Variants in WWOX observed in about 807,000 individuals in gnomAD.
The protein encoded by WWOX is WW domain-containing oxidoreductase.
A neutral mutation model predicts 46.2 loss-of-function variants in WWOX; 69 were observed. The observed-to-expected ratio is 1.49, with a 90% CI of 1.23 to 1.82. WWOX has a LOEUF of 1.82. Ranked by LOEUF, WWOX falls within the 40% of genes most tolerant of loss-of-function variation. WWOX has a pLI of 0.00. For synonymous variants in WWOX, 359 were observed against 202.6 expected (o/e 1.77, Z -6.56); for missense variants, 919 against 542.6 (o/e 1.69, Z -6.89).
intron 5 of WWOX, chr16:78,278,581 G>C (rs371535151): frequency 2.5e-6 from 4 of 1,600,710 alleles, no homozygotes; most frequent in African/African-American, 2.7e-5. Flanking sequence ...TTACACAACT[G>C]TCTTTTGTTT....
At chr16:78,380,726 G>A (rs1267936340) in intron 5 of WWOX, among the ~76,000 whole-genome samples, 1 of 152,074 alleles carries the variant, frequency 6.6e-6, no homozygotes, top group East Asian at 1.9e-4. Flanking sequence ...CGATAGGGCA[G>A]GTGCTGTTAT....
At chr16:78,470,211 T>C (rs2084188407) in intron 8 of WWOX, among the ~76,000 whole-genome samples, 1 of 152,182 alleles carries the variant, frequency 6.6e-6, no homozygotes, top group African/African-American at 2.4e-5. Flanking sequence ...AGTAGGAATT[T>C]GCAGGACCAT....
Position 78,749,252 on chromosome 16 carries a change from A to G in WWOX, c.1056+316500A>G, listed in dbSNP as rs564378889. ...CACCTACATCATAGGTAGATCCTGC[A>G]TTTTACAAATGAGGAAACAGAGCTC... On this transcript the variant is annotated intron_variant, in intron 8 of 8. Coordinates refer to ENST00000566780, the MANE Select transcript of WWOX (RefSeq NM_016373.4). Among the ~76,000 whole-genome samples the G allele has an allele frequency of 5.3e-5, 8 of 152,286 alleles. No individual in the cohort carries two copies. In the South Asian group the frequency reaches 1.2e-3, roughly 24 times the overall value.
At chr16:78,473,632 G>C (rs1293995129) in intron 8 of WWOX, among the ~76,000 whole-genome samples, 1 of 152,188 alleles carries the variant, frequency 6.6e-6, no homozygotes, top group East Asian at 1.9e-4. Context: ...GGAAAGATGA[G>C]AATGTTGCCA....
chr16:78,956,438 A>C (rs1196933127), intron 8 of WWOX, among the ~76,000 whole-genome samples: 1 of 152,122 alleles, frequency 6.6e-6, no homozygotes, highest in Non-Finnish European at 1.5e-5. Flanking sequence ...TACAGGCATG[A>C]GCCACCACTC....
intron 8 of WWOX, among the ~76,000 whole-genome samples, chr16:78,457,507 C>G (rs62034101): frequency 0.02 from 3,072 of 152,150 alleles, 39 homozygotes; most frequent in South Asian, 0.027. Flanking sequence ...TTTTCATTCA[C>G]CAATCTTTTT....
chr16:79,209,194 G>C (rs74036769), intron 8 of WWOX, among the ~76,000 whole-genome samples: 4,173 of 152,278 alleles, frequency 0.027, 214 homozygotes, highest in African/African-American at 0.095. Flanking sequence ...ATGTAGGTTG[G>C]CATGAAATGA....
At chr16:78,631,369 C>G (rs1597372546) in intron 8 of WWOX, among the ~76,000 whole-genome samples, 1 of 152,064 alleles carries the variant, frequency 6.6e-6, no homozygotes. Flanking sequence ...CATCCATTCC[C>G]CAAAACAGAA....
At chr16:78,783,753 ATGATGGTAGTATGATAATGCTGATGGTGG>A (rs1205458721) in intron 8 of WWOX, among the ~76,000 whole-genome samples, 1 of 151,924 alleles carries the variant, frequency 6.6e-6, no homozygotes, top group African/African-American at 2.4e-5. Context: ...GGTGATGGTG[ATGATGGTAGTATGATAATGCTGATGGTGG>A]TGATGGTGAT....
At chr16:78,787,923 T>C (rs976659360) in intron 8 of WWOX, among the ~76,000 whole-genome samples, 1 of 152,188 alleles carries the variant, frequency 6.6e-6, no homozygotes, top group African/African-American at 2.4e-5. Flanking sequence ...TATGTGGTTA[T>C]TGGTTATTTG....
intron 8 of WWOX, among the ~76,000 whole-genome samples, chr16:78,906,965 G>A (rs746104413): frequency 6.6e-5 from 10 of 152,114 alleles, no homozygotes; most frequent in African/African-American, 1.9e-4. Context: ...TAACGTAACC[G>A]CCCAATGGGT....
At chr16:79,010,575 A>T (rs2151375818) in intron 8 of WWOX, among the ~76,000 whole-genome samples, 1 of 152,302 alleles carries the variant, frequency 6.6e-6, no homozygotes, top group East Asian at 1.9e-4. Flanking sequence ...TTCATGAAAT[A>T]AATATATGAT....
chr16:79,104,044 G>C (rs1365964498), intron 8 of WWOX, among the ~76,000 whole-genome samples: 1 of 125,720 alleles, frequency 8.0e-6, no homozygotes, highest in African/African-American at 2.8e-5. Flanking sequence ...TTTTGGGGGG[G>C]GGGGGGCGGG....
intron 8 of WWOX, among the ~76,000 whole-genome samples, chr16:79,211,186 G>T (rs1454960522): frequency 6.6e-6 from 1 of 152,122 alleles, no homozygotes; most frequent in Non-Finnish European, 1.5e-5. Flanking sequence ...AGAGTGGTTG[G>T]TTTGTCAGAC....
chr16:78,459,287 C>T (rs1259375308), intron 8 of WWOX, among the ~76,000 whole-genome samples: 2 of 152,170 alleles, frequency 1.3e-5, no homozygotes, highest in Non-Finnish European at 2.9e-5. Flanking sequence ...TTTCACCAGG[C>T]TCCAAGAAAT....
Position 79,011,788 on chromosome 16 carries a change from C to T in WWOX, c.1057-199820C>T, listed in dbSNP as rs948600143. Among the ~76,000 whole-genome samples, 10 of 152,014 alleles carry T rather than the reference C, an allele frequency of 6.6e-5. No homozygotes were observed. In the East Asian group the frequency reaches 7.7e-4, roughly 12 times the overall value. ...GATTACAGGCATGAGCCACCATGCC[C>T]GGCCCCCTTTTTTAAAAAACAAAAA... On this transcript the variant is annotated intron_variant, in intron 8 of 8. Transcript: ENST00000566780.
intron 8 of WWOX, among the ~76,000 whole-genome samples, chr16:78,679,905 C>T (rs2047689784): frequency 1.3e-5 from 2 of 152,310 alleles, no homozygotes; most frequent in Admixed American, 1.3e-4. Flanking sequence ...TTCCCAGACA[C>T]TCCGTAACCA....
chr16:78,920,962 A>C (rs2045364607), intron 8 of WWOX, among the ~76,000 whole-genome samples: 1 of 152,130 alleles, frequency 6.6e-6, no homozygotes, highest in Non-Finnish European at 1.5e-5. Flanking sequence ...CTTTTCTGCA[A>C]ATACCAGCAG....
chr16:79,039,919 G>T (rs2047939092), intron 8 of WWOX, among the ~76,000 whole-genome samples: 1 of 152,184 alleles, frequency 6.6e-6, no homozygotes, highest in Admixed American at 6.5e-5. Flanking sequence ...ATGCCATCCT[G>T]GGGTTCTCTT....
Sources: allele counts gnomAD v4.1 joint callset (sites outside exome capture counted in the v4.1 genomes callset), GRCh38; gene constraint gnomAD v4.1.1; transcripts MANE v1.5; gene names NCBI Gene and HGNC (gene_info 2026-07-23, HGNC 2026-07-21).